Variants in GNL3 observed in about 807,000 individuals in gnomAD.
GNL3 encodes guanine nucleotide-binding protein-like 3.
GNL3 carries 77 observed loss-of-function variants against 70.6 expected under a neutral mutation model. That is an observed-to-expected ratio of 1.09 (90% CI 0.91 to 1.32). The LOEUF is 1.32. GNL3 is among the 40% of genes most tolerant of loss of function. GNL3 has a pLI of 0.00. For synonymous variants in GNL3, 252 were observed against 216.1 expected (o/e 1.17, Z -1.46); for missense variants, 634 against 644.0 (o/e 0.98, Z 0.17).
Position 52,694,073 on chromosome 3 carries a change from G to C in GNL3, c.1537G>C (p.Gly513Arg), listed in dbSNP as rs764691834. The C allele has an allele frequency of 1.9e-6, 3 of 1,613,582 alleles. No homozygotes were observed. The South Asian group carries it at 3.3e-5, about 18-fold the overall frequency. ...AGGCATGTTTGCTGCAGAAGAGACA[G>C]GGGAGGCACTGTCTGAGGAGACTAC... ...SSGMFAAEET[G>R]EALSEETTAG... Residue 513 changes from glycine (G) to arginine (R), a missense_variant, in exon 14 of 15, where the codon GGG (glycine) becomes CGG (arginine). Transcript: ENST00000418458.
intron 2 of GNL3, chr3:52,687,038 T>G (rs1357650410): frequency 3.2e-6 from 2 of 631,088 alleles, no homozygotes; most frequent in Non-Finnish European, 5.6e-6. Context: ...TTCAGCATGT[T>G]AATCTCTGCA....
At position 52,693,623 on chromosome 3, in the gene GNL3, C is replaced by G. The variant is rs1222476685; in HGVS notation, c.1325-9C>G. On this transcript the variant is annotated splice_polypyrimidine_tract_variant and intron_variant, in intron 12 of 14. Transcript: ENST00000418458. ...TTACCTGTTTACATGGGCTTGCTTT[C>G]TTTCCCAGCCATCAAGGGCCCTCAT... 1 of 1,613,688 alleles carries G rather than the reference C, an allele frequency of 6.2e-7. No homozygotes were observed. The highest frequency in any genetic ancestry group is 8.5e-7 in the Non-Finnish European group (1 of 1,179,818).
At chr3:52,691,151 C>G in intron 8 of GNL3, 80 bp downstream of exon 8, 1 of 1,276,548 alleles carries the variant, frequency 7.8e-7, no homozygotes. Context: ...AGTGCCCAAG[C>G]AGCAGTGTAT....
intron 9 of GNL3, among the ~76,000 whole-genome samples, chr3:52,692,032 A>G (rs546900955): frequency 6.6e-6 from 1 of 152,250 alleles, no homozygotes; most frequent in East Asian, 1.9e-4. Flanking sequence ...TGGTGAAAGC[A>G]GAGATTTAAG....
Position 52,691,058 on chromosome 3 carries a change from G to T in GNL3, c.768G>T (p.Arg256=). The T allele has an allele frequency of 6.2e-7, 1 of 1,613,980 alleles. No individual in the cohort carries two copies. The highest frequency in any genetic ancestry group is 8.5e-7 in the Non-Finnish European group (1 of 1,179,864). The change falls in exon 8 of 15, where the codon CGG becomes CGT. Residue 256 remains arginine, a synonymous_variant. Transcript: ENST00000418458. ...GFQETCSKAI[R]VGVIGFPNVG... The stretch of plus-strand genomic sequence containing the variant: ...AGGAAACTTGCAGCAAAGCCATTCG[G>T]GTTGGAGTAATTGGTGAGTTTCAGT...
intron 8 of GNL3, 129 bp downstream of exon 8, chr3:52,691,200 C>A: frequency 2.6e-6 from 2 of 780,470 alleles, no homozygotes; most frequent in Non-Finnish European, 4.3e-6. Context: ...CAAATACTAG[C>A]TTCTTGCTTA....
rs1490942622 is a variant in GNL3, at chr3:52,686,334, A to G, written c.13+229A>G. 3 of 600,102 alleles carry G rather than the reference A, an allele frequency of 5.0e-6. No individual in the cohort carries two copies. In the African/African-American group the frequency reaches 5.6e-5, roughly 11 times the overall value. 37.2% of individuals were successfully genotyped at this position (600,102 alleles called of 1,614,324 possible). On this transcript the variant is annotated intron_variant, in intron 1 of 14. Coordinates refer to ENST00000418458, the MANE Select transcript of GNL3 (RefSeq NM_014366.5). ...GAACGAAGCCGGGCAGAGGGTGGGG[A>G]AGACTAGGCTAGATTTTCGTAAGGA...
chr3:52,687,798 AT>A, intron 4 of GNL3, 183 bp downstream of exon 4: 40 of 596,854 alleles, frequency 6.7e-5, no homozygotes, highest in Middle Eastern at 4.5e-4. Context: ...CGCCTGGCTA[AT>A]TTTTTTTAGC....
Position 52,687,547 on chromosome 3 carries a change from C to G in GNL3, c.256C>G (p.Leu86Val). The change falls in exon 4 of 15, where the codon CTA becomes GTA. Residue 86 changes from leucine to valine, a missense_variant. By Grantham distance (32) the Leu-to-Val change is conservative. Coordinates refer to ENST00000418458, the MANE Select transcript of GNL3 (RefSeq NM_014366.5). The part of the protein sequence containing the change: ...QQQKLDRQKE[L>V]EKKRKLETNP... ...GCAGAAACTTGACAGGCAGAAGGAA[C>G]TAGAAAAGAAAAGAAAACTTGAAAC... 1 of 1,613,670 alleles carries G rather than the reference C, an allele frequency of 6.2e-7. No individual in the cohort carries two copies. Among genetic ancestry groups the G allele is most frequent in the Non-Finnish European group, 8.5e-7 (1 of 1,179,654 alleles).
intron 8 of GNL3, 148 bp from the exon 9 acceptor site, chr3:52,691,394 A>G (rs2097327073): frequency 1.5e-6 from 1 of 653,030 alleles, no homozygotes; most frequent in Non-Finnish European, 2.7e-6. Flanking sequence ...TGAAGAAACT[A>G]AAATTGGTCT....
At chr3:52,686,137 A>T in intron 1 of GNL3, 32 bp downstream of exon 1, 1 of 1,586,006 alleles carries the variant, frequency 6.3e-7, no homozygotes, top group Non-Finnish European at 8.6e-7. Context: ...GCGTGGAGGG[A>T]CCCACGTCTG....
Position 52,692,913 on chromosome 3 carries a change from T to C in GNL3, c.911T>C (p.Ile304Thr), listed in dbSNP as rs1002056045. Residue 304 changes from isoleucine (I) to threonine (T), a missense_variant, in exon 10 of 15, where the codon ATA (isoleucine) becomes ACA (threonine). Physicochemically the swap from Ile to Thr is moderately conservative, Grantham distance 89. Transcript: ENST00000418458. ...CCCTTGGACAAACAGATCACAATCA[T>C]AGATAGTCCGAGCTTCATCGTATCT... ...VVPLDKQITI[I>T]DSPSFIVSPL... 1.1e-5 allele frequency: 17 copies of C among 1,613,452 alleles called. No individual in the cohort carries two copies. The Admixed American group carries it at 1.8e-4, about 17-fold the overall frequency.
intron 5 of GNL3, 31 bp downstream of exon 5, chr3:52,688,223 A>C (rs1361425177): frequency 2.4e-6 from 3 of 1,246,362 alleles, no homozygotes; most frequent in East Asian, 2.3e-5. Context: ...GTCTGACAGT[A>C]GTAATGAGGT....
chr3:52,692,750 G>A (rs1561257505), intron 9 of GNL3, 122 bp from the exon 10 acceptor site: 1 of 793,050 alleles, frequency 1.3e-6, no homozygotes, highest in Non-Finnish European at 2.3e-6. Flanking sequence ...TGAAGCAAAT[G>A]ATGATAAACT....
rs760444593 is a variant in GNL3 at position 52,693,807 on chromosome 3, TGTAA to T, written c.1500+3_1500+6del. 1.1e-5 allele frequency: 18 copies of T among 1,611,072 alleles called. No individual in the cohort carries two copies. The highest frequency in any genetic ancestry group is 1.3e-5 in the African/African-American group (1 of 74,804). ...AGGAAACTGTTGATGAAGAAGTTGA[TGTAA>T]GTGTGTCCTCCATGAGTTAAAACTG... On this transcript the variant is annotated splice_donor_variant and splice_donor_region_variant and intron_variant, in intron 13 of 14. Transcript: ENST00000418458. LOFTEE classifies it high-confidence loss of function.
In GNL3 at chr3:52,694,105, T is replaced by A; in HGVS notation, c.1567+2T>A. On this transcript the variant is annotated splice_donor_variant, in intron 14 of 14. Transcript: ENST00000418458. LOFTEE classifies it high-confidence loss of function. ...CACTGTCTGAGGAGACTACAGCAGG[T>A]GAGGCAGGCAAAAGGGGTTCTAACG... is the stretch of plus-strand genomic sequence containing the variant. The A allele has an allele frequency of 5.0e-6, 8 of 1,610,938 alleles. No individual in the cohort carries two copies. The highest frequency in any genetic ancestry group is 5.9e-6 in the Non-Finnish European group (7 of 1,177,078).
intron 1 of GNL3, chr3:52,686,421 C>T (rs1188547252): frequency 5.2e-6 from 3 of 576,074 alleles, no homozygotes; most frequent in Admixed American, 6.3e-5. Flanking sequence ...TGCAGACTGG[C>T]CCAGGTGAGA....
chr3:52,690,730 G>C, intron 7 of GNL3, 26 bp downstream of exon 7: 1 of 1,354,102 alleles, frequency 7.4e-7, no homozygotes, highest in Non-Finnish European at 1.1e-6. Context: ...GGTAAGAAAT[G>C]TGATTCTTTC....
intron 9 of GNL3, among the ~76,000 whole-genome samples, chr3:52,692,418 G>A (rs2097328172): frequency 7.3e-6 from 1 of 136,694 alleles, no homozygotes; most frequent in Non-Finnish European, 1.5e-5. Flanking sequence ...GGAGTACAGT[G>A]GTGCTATCTT....
Sources: allele counts gnomAD v4.1 joint callset (sites outside exome capture counted in the v4.1 genomes callset), GRCh38; gene constraint gnomAD v4.1.1; transcripts MANE v1.5; gene names NCBI Gene and HGNC (gene_info 2026-07-23, HGNC 2026-07-21).